Variants in CLASP2 observed in about 807,000 individuals in gnomAD.
CLASP2 encodes CLIP-associating protein 2.
A neutral mutation model predicts 194.4 loss-of-function variants in CLASP2; 47 were observed. That is an observed-to-expected ratio of 0.24 (90% CI 0.19 to 0.31). The LOEUF (loss-of-function observed/expected upper bound fraction) is 0.31. CLASP2 is among the 10% of genes least tolerant of loss of function. The pLI is 1.00. For missense variants in CLASP2, 1,445 were observed against 1,823.6 expected, an observed-to-expected ratio of 0.79 and a Z score of 3.78; for synonymous variants, 619 against 633.5, an observed-to-expected ratio of 0.98 and a Z score of 0.34.
intron 6 of CLASP2, among the ~76,000 whole-genome samples, chr3:33,667,405 T>TTAAAAAAAAAAAA (rs2086374074): frequency 2.7e-5 from 1 of 37,540 alleles, no homozygotes; most frequent in Non-Finnish European, 3.9e-5. Flanking sequence ...TGAGACTATC[T>TTAAAAAAAAAAAA]CAAAAAAAAA....
At chr3:33,555,093 A>C (rs895454765) in intron 29 of CLASP2, among the ~76,000 whole-genome samples, 1 of 152,368 alleles carries the variant, frequency 6.6e-6, no homozygotes, top group Admixed American at 6.5e-5. Flanking sequence ...TCTTACCTAA[A>C]AAAAAGATAC....
chr3:33,631,983 T>C (rs938467258), intron 9 of CLASP2, among the ~76,000 whole-genome samples: 1 of 152,220 alleles, frequency 6.6e-6, no homozygotes, highest in African/African-American at 2.4e-5. Flanking sequence ...ATTATATCTA[T>C]ATGAATGACT....
chr3:33,540,430 T>G (rs545851794), intron 32 of CLASP2, among the ~76,000 whole-genome samples: 2 of 152,056 alleles, frequency 1.3e-5, no homozygotes, highest in South Asian at 4.2e-4. Context: ...TTTGTAGAGA[T>G]GGGGTCTCAA....
chr3:33,587,029 A>G (rs2067540929), intron 21 of CLASP2, among the ~76,000 whole-genome samples: 3 of 152,160 alleles, frequency 2.0e-5, no homozygotes, highest in Admixed American at 2.0e-4. Flanking sequence ...GAAAGCTTTG[A>G]TATTTCCAGA....
chr3:33,507,626 C>T (rs1008458179), intron 37 of CLASP2, among the ~76,000 whole-genome samples: 1 of 152,038 alleles, frequency 6.6e-6, no homozygotes, highest in Admixed American at 6.6e-5. Context: ...GGACTACAGG[C>T]ACATGCCATC....
intron 9 of CLASP2, among the ~76,000 whole-genome samples, chr3:33,630,701 G>A (rs1478058933): frequency 6.6e-6 from 1 of 152,162 alleles, no homozygotes; most frequent in African/African-American, 2.4e-5. Flanking sequence ...TTACAGGGTG[G>A]TGAGGGTGGC....
chr3:33,655,281 A>C (rs2083948716), intron 7 of CLASP2, among the ~76,000 whole-genome samples: 1 of 152,136 alleles, frequency 6.6e-6, no homozygotes, highest in Non-Finnish European at 1.5e-5. Context: ...ATTGGTGCCC[A>C]ACCCCCTGCA....
chr3:33,715,393 T>C (rs1209776176), intron 1 of CLASP2, among the ~76,000 whole-genome samples: 1 of 152,154 alleles, frequency 6.6e-6, no homozygotes, highest in Non-Finnish European at 1.5e-5. Context: ...CCCTATTCCC[T>C]TCATTGTTTT....
intron 12 of CLASP2, among the ~76,000 whole-genome samples, chr3:33,614,253 T>C (rs2075717586): frequency 6.6e-6 from 1 of 152,158 alleles, no homozygotes; most frequent in African/African-American, 2.4e-5. Flanking sequence ...ACAAAATGGG[T>C]ACTTTCAAAT....
chr3:33,573,496 A>T, intron 24 of CLASP2, 142 bp from the exon 25 acceptor site: 1 of 875,970 alleles, frequency 1.1e-6, no homozygotes, highest in Non-Finnish European at 1.8e-6. Context: ...ACAGAATGTC[A>T]GTATTTAGTT....
At chr3:33,527,989 A>G (rs1009700342) in intron 34 of CLASP2, among the ~76,000 whole-genome samples, 1 of 152,088 alleles carries the variant, frequency 6.6e-6, no homozygotes, top group Non-Finnish European at 1.5e-5. Context: ...CCACAACAAC[A>G]AAAAAGAAAA....
At chr3:33,706,258 C>T (rs1403985791) in intron 1 of CLASP2, among the ~76,000 whole-genome samples, 2 of 151,742 alleles carry the variant, frequency 1.3e-5, no homozygotes, top group African/African-American at 4.9e-5. Context: ...AAAAAACACA[C>T]AAAAAACACA....
At chr3:33,579,974 TGCACATGCACAC>T in intron 23 of CLASP2, among the ~76,000 whole-genome samples, 1 of 152,214 alleles carries the variant, frequency 6.6e-6, no homozygotes, top group Non-Finnish European at 1.5e-5. Context: ...TGCATGCGCA[TGCACATGCACAC>T]ATACAGACAT....
intron 37 of CLASP2, among the ~76,000 whole-genome samples, chr3:33,508,110 T>C (rs2048775581): frequency 6.6e-6 from 1 of 151,472 alleles, no homozygotes; most frequent in South Asian, 2.1e-4. Flanking sequence ...TTCTCCTACC[T>C]CAGCCTGCTG....
chr3:33,708,492 A>ATG (rs1559702547), intron 1 of CLASP2, among the ~76,000 whole-genome samples: 331 of 1,666 alleles, frequency 0.2, no homozygotes, highest in Non-Finnish European at 0.37. Context: ...GTGTGTATGT[A>ATG]TATATATATA....
intron 6 of CLASP2, among the ~76,000 whole-genome samples, chr3:33,672,491 G>A (rs985048807): frequency 6.6e-6 from 1 of 152,120 alleles, no homozygotes; most frequent in Non-Finnish European, 1.5e-5. Context: ...CACAAAGATG[G>A]GGAAAAAACA....
chr3:33,559,162 G>C, intron 29 of CLASP2, 145 bp downstream of exon 29: 1 of 705,708 alleles, frequency 1.4e-6, no homozygotes, highest in Non-Finnish European at 2.6e-6. Context: ...GTCCCGAAGT[G>C]CTGGCTTGAC....
chr3:33,562,277 C>T (rs1282772627), intron 27 of CLASP2, among the ~76,000 whole-genome samples: 1 of 152,168 alleles, frequency 6.6e-6, no homozygotes, highest in African/African-American at 2.4e-5. Context: ...CACCACTACC[C>T]CCATAATCCC....
intron 7 of CLASP2, among the ~76,000 whole-genome samples, chr3:33,647,801 G>A (rs532456890): frequency 1.3e-5 from 2 of 152,254 alleles, no homozygotes; most frequent in African/African-American, 4.8e-5. Flanking sequence ...TTGGGAGGCC[G>A]AGGCAGGTGG....
Sources: allele counts gnomAD v4.1 joint callset (sites outside exome capture counted in the v4.1 genomes callset), GRCh38; gene constraint gnomAD v4.1.1; transcripts MANE v1.5; gene names NCBI Gene and HGNC (gene_info 2026-07-23, HGNC 2026-07-21).